The following GPR158 variants were observed in gnomAD, a reference collection of about 807,000 sequenced individuals.
The protein encoded by GPR158 is metabotropic glycine receptor.
In GPR158, 30 loss-of-function variants were observed where a neutral mutation model predicts 78.2. The ratio of observed to expected loss-of-function variants is 0.38; its 90% confidence interval spans 0.29 to 0.52. The LOEUF (loss-of-function observed/expected upper bound fraction) is 0.52, where lower values mean the gene tolerates loss of function less well. Among genes scored for constraint, GPR158 ranks in the 20% least tolerant of loss-of-function variants. The pLI is 0.83. For synonymous variants in GPR158, 581 were observed against 591.1 expected (o/e 0.98, Z 0.25); for missense variants, 1,463 against 1,523.5 (o/e 0.96, Z 0.66).
chr10:25,563,156 G>C lies in GPR158; in HGVS notation c.1515-9493G>C, dbSNP rs940423067. 6.5e-5 allele frequency among the ~76,000 whole-genome samples: 9 copies of C among 139,412 alleles called. No homozygotes were observed. The East Asian group carries it at 8.5e-4, about 13-fold the overall frequency. The allele number at this position is 139,412 out of a possible 152,430, so 91.5% of individuals were successfully genotyped here. A position where few individuals can be genotyped will look rare whatever the true frequency, so the allele number is the denominator to read the frequency against. ...TTATTTACAACCTATTATTTCATTAGATCTAAGGTAACTCTTATAGAAAAC... is the reference window on the plus strand; with the variant it reads ...TTATTTACAACCTATTATTTCATTACATCTAAGGTAACTCTTATAGAAAAC... On this transcript the variant is annotated intron_variant, in intron 6 of 10. Transcript: ENST00000376351.
At chr10:25,196,246 A>G (rs1286622462) in intron 1 of GPR158, among the ~76,000 whole-genome samples, 1 of 150,090 alleles carries the variant, frequency 6.7e-6, no homozygotes, top group African/African-American at 2.4e-5. Flanking sequence ...AAAACTTCTG[A>G]GAGATTTTAT....
chr10:25,322,081 T>G (rs1233543463), intron 2 of GPR158, among the ~76,000 whole-genome samples: 1 of 152,060 alleles, frequency 6.6e-6, no homozygotes. Flanking sequence ...ACTGGAGATT[T>G]CTTAGAAAAT....
chr10:25,565,723 T>A (rs1299317678), intron 6 of GPR158, among the ~76,000 whole-genome samples: 1 of 152,200 alleles, frequency 6.6e-6, no homozygotes, highest in Non-Finnish European at 1.5e-5. Context: ...GAACAGATCA[T>A]GCCGAGAGGC....
intron 1 of GPR158, among the ~76,000 whole-genome samples, chr10:25,189,834 ATGTGTGTGTGTGTGTG>A (rs56205437): frequency 1.7e-5 from 2 of 120,540 alleles, no homozygotes; most frequent in African/African-American, 6.5e-5. Context: ...AAAGGAAAGC[ATGTGTGTGTGTGTGTG>A]TGTGTGTGTG....
chr10:25,549,127 T>G (rs555130467), intron 5 of GPR158, among the ~76,000 whole-genome samples: 1 of 152,276 alleles, frequency 6.6e-6, no homozygotes, highest in South Asian at 2.1e-4. Flanking sequence ...CCATTTCTAG[T>G]GGAAATATTT....
chr10:25,516,246 G>C (rs1836171244), intron 5 of GPR158, among the ~76,000 whole-genome samples: 1 of 149,250 alleles, frequency 6.7e-6, no homozygotes, highest in Non-Finnish European at 1.5e-5. Context: ...ATTTGTTTGA[G>C]TTCATTGTAG....
intron 2 of GPR158, among the ~76,000 whole-genome samples, chr10:25,364,537 T>A (rs1215049695): frequency 6.6e-6 from 1 of 151,882 alleles, no homozygotes; most frequent in Non-Finnish European, 1.5e-5. Flanking sequence ...CTTAAACATT[T>A]TTGACTCTTT....
At chr10:25,212,169 C>G (rs1853140318) in intron 1 of GPR158, among the ~76,000 whole-genome samples, 4 of 152,064 alleles carry the variant, frequency 2.6e-5, no homozygotes, top group African/African-American at 2.4e-5. Flanking sequence ...AAAGAAATAC[C>G]TGAGACTGGG....
At chr10:25,552,830 G>T (rs1836744929) in intron 6 of GPR158, among the ~76,000 whole-genome samples, 2 of 152,184 alleles carry the variant, frequency 1.3e-5, no homozygotes, top group South Asian at 4.1e-4. Context: ...TGTTTAGGGG[G>T]ATGTGAAACC....
At chr10:25,454,872 C>G (rs115196776) in intron 4 of GPR158, among the ~76,000 whole-genome samples, 2,550 of 152,114 alleles carry the variant, frequency 0.017, 77 homozygotes, top group African/African-American at 0.059. Context: ...ATTTCTTCTC[C>G]CCTTGAATAT....
intron 5 of GPR158, among the ~76,000 whole-genome samples, chr10:25,499,557 G>A (rs1279276712): frequency 2.0e-5 from 3 of 152,314 alleles, no homozygotes; most frequent in East Asian, 3.9e-4. Flanking sequence ...CAAGACTCTT[G>A]CTCTCATGAA....
chr10:25,255,786 T>A (rs1292445189), intron 2 of GPR158, among the ~76,000 whole-genome samples: 1 of 152,204 alleles, frequency 6.6e-6, no homozygotes, highest in Non-Finnish European at 1.5e-5. Flanking sequence ...TCCAGGATAA[T>A]TTTCATTTTG....
chr10:25,222,851 T>C (rs896962834), intron 2 of GPR158, among the ~76,000 whole-genome samples: 16 of 152,208 alleles, frequency 1.1e-4, no homozygotes, highest in African/African-American at 3.9e-4. Context: ...GCAGTCTGCC[T>C]AGAAACAAGG....
intron 5 of GPR158, among the ~76,000 whole-genome samples, chr10:25,536,909 C>T (rs1014938948): frequency 3.3e-5 from 5 of 152,180 alleles, no homozygotes; most frequent in African/African-American, 7.2e-5. Context: ...TACTGAAGCA[C>T]ACTTTGCATT....
At chr10:25,317,507 T>A (rs1054687565) in intron 2 of GPR158, among the ~76,000 whole-genome samples, 10 of 151,872 alleles carry the variant, frequency 6.6e-5, no homozygotes, top group African/African-American at 2.2e-4. Flanking sequence ...AAAAAAAAAA[T>A]TTCTGAGTTC....
intron 2 of GPR158, among the ~76,000 whole-genome samples, chr10:25,383,485 G>T (rs1223584157): frequency 6.6e-6 from 1 of 152,094 alleles, no homozygotes; most frequent in Non-Finnish European, 1.5e-5. Flanking sequence ...CACAAGGGGG[G>T]TTTCGTTTTC....
At chr10:25,260,215 T>A (rs1853949150) in intron 2 of GPR158, among the ~76,000 whole-genome samples, 1 of 152,166 alleles carries the variant, frequency 6.6e-6, no homozygotes, top group Non-Finnish European at 1.5e-5. Context: ...GAATTTGCTT[T>A]GTTTTCTATT....
chr10:25,403,807 T>C (rs2130538804), intron 3 of GPR158, among the ~76,000 whole-genome samples: 1 of 152,104 alleles, frequency 6.6e-6, no homozygotes, highest in South Asian at 2.1e-4. Context: ...AAGTGGTGAG[T>C]TGAATATTAT....
chr10:25,332,159 T>A (rs1028000893), intron 2 of GPR158, among the ~76,000 whole-genome samples: 1 of 152,170 alleles, frequency 6.6e-6, no homozygotes, highest in Non-Finnish European at 1.5e-5. Context: ...CTAGAGATTC[T>A]GATTCAGTAG....
Sources: gnomAD v4.1 joint callset for allele counts (sites outside exome capture counted in the v4.1 genomes callset) on GRCh38, gnomAD v4.1.1 for gene constraint, MANE v1.5 for transcripts, NCBI Gene and HGNC (gene_info 2026-07-23, HGNC 2026-07-21) for gene names.